ARL15: variants seen among roughly 807,000 people sequenced by gnomAD.
ARL15 encodes the protein ADP-ribosylation factor-like protein 15.
A neutral mutation model predicts 25.2 loss-of-function variants in ARL15; 19 were observed. The ratio of observed to expected loss-of-function variants is 0.75; its 90% CI spans 0.53 to 1.10. The LOEUF is 1.10. Among genes scored for constraint, ARL15 ranks in the 50% least tolerant of loss-of-function variants. The pLI, the probability that ARL15 is intolerant of heterozygous loss-of-function variation, is 0.00. For synonymous variants in ARL15, 94 were observed against 86.8 expected, an observed-to-expected ratio of 1.08 and a Z score of -0.46; for missense variants, 220 against 246.0, an observed-to-expected ratio of 0.89 and a Z score of 0.71.
chr5:54,162,987 C>T (rs1483954623), intron 2 of ARL15, among the ~76,000 whole-genome samples: 5 of 152,124 alleles, frequency 3.3e-5, no homozygotes, highest in African/African-American at 1.2e-4. Flanking sequence ...CTGATCTGAT[C>T]AGGAAACAAT....
At chr5:54,252,507 T>G (rs1377899025) in intron 1 of ARL15, among the ~76,000 whole-genome samples, 1 of 152,184 alleles carries the variant, frequency 6.6e-6, no homozygotes, top group Admixed American at 6.5e-5. Flanking sequence ...ACCATGCATT[T>G]AACAAAGGAC....
chr5:53,894,753 T>A (rs956369514), intron 4 of ARL15, among the ~76,000 whole-genome samples: 11 of 152,122 alleles, frequency 7.2e-5, no homozygotes, highest in African/African-American at 2.7e-4. Flanking sequence ...CAACCCTAGG[T>A]GCCTCCATCC....
intron 1 of ARL15, among the ~76,000 whole-genome samples, chr5:54,296,436 G>A (rs2112701266): frequency 6.6e-6 from 1 of 152,336 alleles, no homozygotes; most frequent in East Asian, 1.9e-4. Context: ...GTAAGTCACA[G>A]AGCTAGAATG....
chr5:54,185,745 A>T (rs948622257), intron 1 of ARL15, among the ~76,000 whole-genome samples: 2 of 152,214 alleles, frequency 1.3e-5, no homozygotes, highest in Admixed American at 6.5e-5. Context: ...TCAATAATCA[A>T]TAGGTGTTAT....
chr5:53,915,302 G>A (rs945956685), intron 4 of ARL15, among the ~76,000 whole-genome samples: 2 of 152,142 alleles, frequency 1.3e-5, no homozygotes, highest in African/African-American at 4.8e-5. Flanking sequence ...TCACACACAA[G>A]GCACTGTGCT....
Position 54,310,548 on chromosome 5 carries a change from G to C in ARL15, c.-69C>G, listed in dbSNP as rs777702141. 8 of 1,514,678 alleles carry C rather than the reference G, an allele frequency of 5.3e-6. No individual in the cohort carries two copies. The East Asian group carries it at 1.2e-4, about 23-fold the overall frequency. 93.8% of individuals were successfully genotyped at this position (1,514,678 alleles called of 1,614,324 possible). ...AAAAGCAGCGTCTCTGGCTGCGAGCGAGCAGCTCCTGAAAAAGCCAGCAAC... is the reference window on the plus strand; with the variant it reads ...AAAAGCAGCGTCTCTGGCTGCGAGCCAGCAGCTCCTGAAAAAGCCAGCAAC... On this transcript the variant is annotated 5_prime_UTR_variant, in exon 1 of 5. Coordinates refer to ENST00000504924, the MANE Select transcript of ARL15 (RefSeq NM_019087.3).
chr5:54,012,735 G>T (rs907837302), intron 4 of ARL15, among the ~76,000 whole-genome samples: 10 of 151,698 alleles, frequency 6.6e-5, no homozygotes, highest in Middle Eastern at 3.4e-3. Flanking sequence ...TGTTGGTCAG[G>T]CTGGTCTCCA....
chr5:53,966,488 C>G (rs536989458), intron 4 of ARL15, among the ~76,000 whole-genome samples: 66 of 152,292 alleles, frequency 4.3e-4, no homozygotes, highest in African/African-American at 1.3e-3. Context: ...TGTGGGAACC[C>G]CAACTTGAGC....
chr5:54,128,556 G>C (rs1385984251), intron 3 of ARL15, among the ~76,000 whole-genome samples: 1 of 152,054 alleles, frequency 6.6e-6, no homozygotes, highest in Non-Finnish European at 1.5e-5. Context: ...GGAATATGGT[G>C]GCAAACCAAA....
At chr5:53,914,355 T>C (rs1453085005) in intron 4 of ARL15, among the ~76,000 whole-genome samples, 2 of 152,144 alleles carry the variant, frequency 1.3e-5, no homozygotes, top group African/African-American at 2.4e-5. Flanking sequence ...CTTGAAACTA[T>C]GCCTTAAAGT....
At chr5:53,980,656 T>G (rs1205938419) in intron 4 of ARL15, among the ~76,000 whole-genome samples, 2 of 152,188 alleles carry the variant, frequency 1.3e-5, no homozygotes, top group Non-Finnish European at 2.9e-5. Flanking sequence ...CTGAGGACTG[T>G]GAGTTATTCA....
chr5:53,999,791 G>A (rs751117154), intron 4 of ARL15, among the ~76,000 whole-genome samples: 8 of 151,922 alleles, frequency 5.3e-5, no homozygotes, highest in Non-Finnish European at 1.0e-4. Context: ...AGCTACTCAG[G>A]AGGCTGAGGC....
intron 4 of ARL15, among the ~76,000 whole-genome samples, chr5:54,020,274 T>C (rs1201102503): frequency 1.3e-5 from 2 of 152,114 alleles, no homozygotes; most frequent in Non-Finnish European, 2.9e-5. Flanking sequence ...GGAGGCCTAC[T>C]AGTTAGGACT....
At chr5:54,091,600 C>G (rs1405011642) in intron 4 of ARL15, among the ~76,000 whole-genome samples, 1 of 152,094 alleles carries the variant, frequency 6.6e-6, no homozygotes, top group East Asian at 1.9e-4. Flanking sequence ...TCTCCTGGAC[C>G]AGTAAAACTC....
At chr5:54,058,257 C>T (rs776270692) in intron 4 of ARL15, among the ~76,000 whole-genome samples, 4 of 152,226 alleles carry the variant, frequency 2.6e-5, no homozygotes, top group East Asian at 1.9e-4. Context: ...CTGCCCGCCT[C>T]GGCCTCCCAA....
At chr5:54,291,689 G>A (rs1758322461) in intron 1 of ARL15, among the ~76,000 whole-genome samples, 1 of 152,170 alleles carries the variant, frequency 6.6e-6, no homozygotes, top group African/African-American at 2.4e-5. Context: ...GAATGTGGAT[G>A]AGTCTCCTGA....
At chr5:54,005,707 C>CA (rs1749006465) in intron 4 of ARL15, among the ~76,000 whole-genome samples, 1 of 151,838 alleles carries the variant, frequency 6.6e-6, no homozygotes, top group African/African-American at 2.4e-5. Flanking sequence ...ACTAAAAATA[C>CA]AGAAATTAGC....
At chr5:54,114,406 G>GCAAAAAAAAAAAAAAA (rs1342951039) in intron 3 of ARL15, among the ~76,000 whole-genome samples, 2 of 74,472 alleles carry the variant, frequency 2.7e-5, no homozygotes, top group African/African-American at 5.7e-5. Flanking sequence ...TCCATCTCAA[G>GCAAAAAAAAAAAAAAA]AAAAAAAAAA....
chr5:54,237,516 A>G (rs1003569624), intron 1 of ARL15, among the ~76,000 whole-genome samples: 1 of 152,232 alleles, frequency 6.6e-6, no homozygotes, highest in African/African-American at 2.4e-5. Flanking sequence ...GACACCAAAA[A>G]GGGGGAATAC....
Sources: gnomAD v4.1 joint callset for allele counts (sites outside exome capture counted in the v4.1 genomes callset) on GRCh38, gnomAD v4.1.1 for gene constraint, MANE v1.5 for transcripts, NCBI Gene and HGNC (gene_info 2026-07-23, HGNC 2026-07-21) for gene names.